CSMD1: variants seen among roughly 807,000 people sequenced by gnomAD.
The protein encoded by CSMD1 is CUB and sushi domain-containing protein 1.
In CSMD1, 213 loss-of-function variants were observed where a neutral mutation model predicts 417.5. That is an observed-to-expected ratio of 0.51 (90% CI 0.46 to 0.57). The LOEUF is 0.57. Ranked by LOEUF, CSMD1 falls within the 20% of genes least tolerant of loss-of-function variation. The probability of loss-of-function intolerance (pLI) is 0.00; values close to 1 mark genes in which losing one functional copy is unlikely to be tolerated. For missense variants in CSMD1, 6,923 were observed against 4,529.7 expected (o/e 1.53, Z -15.17); for synonymous variants, 2,862 against 1,736.8 (o/e 1.65, Z -16.11).
chr8:3,169,215 C>A (rs924803835), intron 37 of CSMD1, among the ~76,000 whole-genome samples: 4 of 152,156 alleles, frequency 2.6e-5, no homozygotes, highest in Admixed American at 1.3e-4. Context: ...CCACCCCAAA[C>A]AGTACAGCCC....
chr8:3,479,245 G>T (rs1320675959), intron 11 of CSMD1, among the ~76,000 whole-genome samples: 2 of 152,080 alleles, frequency 1.3e-5, no homozygotes, highest in Non-Finnish European at 1.5e-5. Context: ...TATTAGGTGG[G>T]TACAAAAGCA....
At chr8:3,832,043 T>A (rs1459704169) in intron 5 of CSMD1, among the ~76,000 whole-genome samples, 1 of 152,198 alleles carries the variant, frequency 6.6e-6, no homozygotes, top group African/African-American at 2.4e-5. Context: ...GTTGCTCTTA[T>A]CACTGTTACC....
At chr8:4,286,099 A>T (rs1220849570) in intron 3 of CSMD1, among the ~76,000 whole-genome samples, 11 of 152,052 alleles carry the variant, frequency 7.2e-5, no homozygotes. Flanking sequence ...ATTATTCTTT[A>T]TGTGACCGTT....
chr8:4,738,166 T>C (rs748973836), intron 1 of CSMD1, among the ~76,000 whole-genome samples: 1 of 152,194 alleles, frequency 6.6e-6, no homozygotes, highest in Non-Finnish European at 1.5e-5. Context: ...TCAGGTTAGT[T>C]TATTTGGTTT....
intron 1 of CSMD1, among the ~76,000 whole-genome samples, chr8:4,988,697 C>A (rs1215029965): frequency 1.3e-5 from 2 of 152,202 alleles, no homozygotes; most frequent in Admixed American, 1.3e-4. Context: ...TGCAACTTCC[C>A]TAAAGCACTG....
chr8:4,628,532 C>T (rs566880785), intron 2 of CSMD1, among the ~76,000 whole-genome samples: 2 of 151,136 alleles, frequency 1.3e-5, no homozygotes, highest in East Asian at 2.0e-4. Context: ...GAGAAAGAGA[C>T]ATAGGATAAG....
intron 26 of CSMD1, among the ~76,000 whole-genome samples, chr8:3,238,816 T>C (rs766139821): frequency 6.6e-6 from 1 of 152,152 alleles, no homozygotes; most frequent in Non-Finnish European, 1.5e-5. Flanking sequence ...ACTTTAAGTG[T>C]TAAGAGTGGC....
intron 23 of CSMD1, among the ~76,000 whole-genome samples, chr8:3,338,359 G>A (rs569785440): frequency 6.6e-6 from 1 of 152,212 alleles, no homozygotes; most frequent in African/African-American, 2.4e-5. Flanking sequence ...GAGGGCAGTA[G>A]ACCCTGACCA....
rs1490788577 is a variant in CSMD1 at position 3,411,978 on chromosome 8, A to G, written c.1562-2373T>C. ...TACACGTATATATGCACGTATATAT[A>G]CACGTATATATACGTGTATATACAC... On this transcript the variant is annotated intron_variant, in intron 12 of 69. Transcript: ENST00000635120. 1.0e-3 allele frequency among the ~76,000 whole-genome samples: 64 copies of G among 61,532 alleles called. 5 individuals are homozygous for G. Among genetic ancestry groups the G allele is most frequent in the Middle Eastern group, 0.018 (1 of 56 alleles). The allele number at this position is 61,532 out of a possible 152,430, so 40.4% of individuals were successfully genotyped here.
chr8:4,574,921 T>C (rs565093577), intron 2 of CSMD1, among the ~76,000 whole-genome samples: 1 of 152,320 alleles, frequency 6.6e-6, no homozygotes, highest in Non-Finnish European at 1.5e-5. Context: ...TATAATTTTG[T>C]TTTAATATCT....
At chr8:3,149,711 T>C (rs1563088241) in intron 40 of CSMD1, among the ~76,000 whole-genome samples, 1 of 152,132 alleles carries the variant, frequency 6.6e-6, no homozygotes, top group East Asian at 1.9e-4. Flanking sequence ...CTCCTGACCT[T>C]GCGATCCACC....
intron 18 of CSMD1, among the ~76,000 whole-genome samples, chr8:3,371,806 A>G (rs758072458): frequency 6.6e-6 from 1 of 152,230 alleles, no homozygotes; most frequent in African/African-American, 2.4e-5. Context: ...AATAATTTCT[A>G]GAATATTTTA....
chr8:4,851,981 G>A (rs1024036583), intron 1 of CSMD1, among the ~76,000 whole-genome samples: 2 of 152,118 alleles, frequency 1.3e-5, no homozygotes, highest in East Asian at 1.9e-4. Context: ...TTTCCCTATA[G>A]ATTTAATCTC....
intron 3 of CSMD1, among the ~76,000 whole-genome samples, chr8:4,131,248 A>T (rs139521154): frequency 6.6e-6 from 1 of 152,206 alleles, no homozygotes; most frequent in Non-Finnish European, 1.5e-5. Context: ...GGCTGAGTAC[A>T]GAAAGGTAGG....
At chr8:4,636,949 A>G (rs965450025) in intron 2 of CSMD1, among the ~76,000 whole-genome samples, 1 of 152,140 alleles carries the variant, frequency 6.6e-6, no homozygotes, top group African/African-American at 2.4e-5. Context: ...AGCGCTCTAT[A>G]AAACACACCA....
intron 5 of CSMD1, among the ~76,000 whole-genome samples, chr8:3,909,045 T>C (rs1477892436): frequency 6.6e-6 from 1 of 152,140 alleles, no homozygotes; most frequent in Non-Finnish European, 1.5e-5. Context: ...GTGGGTGAAA[T>C]GCGGGGAGCA....
chr8:3,387,978 A>G (rs932812434), intron 17 of CSMD1, among the ~76,000 whole-genome samples: 4 of 152,216 alleles, frequency 2.6e-5, no homozygotes, highest in Admixed American at 2.0e-4. Flanking sequence ...AAATCAATGA[A>G]TTGCACTAAA....
At chr8:4,345,993 G>C (rs1800758627) in intron 3 of CSMD1, among the ~76,000 whole-genome samples, 1 of 152,220 alleles carries the variant, frequency 6.6e-6, no homozygotes, top group East Asian at 1.9e-4. Flanking sequence ...AATTTCAGTA[G>C]TTCACATTAG....
chr8:3,568,599 A>T (rs1434035915), intron 10 of CSMD1, among the ~76,000 whole-genome samples: 3 of 152,142 alleles, frequency 2.0e-5, no homozygotes, highest in Admixed American at 2.0e-4. Flanking sequence ...GTGTATATCA[A>T]TGTATTTATC....
Sources: gnomAD v4.1 joint callset for allele counts (sites outside exome capture counted in the v4.1 genomes callset) on GRCh38, gnomAD v4.1.1 for gene constraint, MANE v1.5 for transcripts, NCBI Gene and HGNC (gene_info 2026-07-23, HGNC 2026-07-21) for gene names.